FOXN2: variants seen among roughly 807,000 people sequenced by gnomAD.
FOXN2 encodes the protein forkhead box protein N2.
A neutral mutation model predicts 41.2 loss-of-function variants in FOXN2; 19 were observed. That is an observed-to-expected ratio of 0.46 (90% confidence interval 0.32 to 0.68). The LOEUF (loss-of-function observed/expected upper bound fraction) is 0.68. Ranked by LOEUF, FOXN2 falls within the 30% of genes least tolerant of loss-of-function variation. FOXN2 has a pLI of 0.03. For synonymous variants in FOXN2, 195 were observed against 176.8 expected (o/e 1.10, Z -0.82); for missense variants, 587 against 509.4 (o/e 1.15, Z -1.47).
intron 4 of FOXN2, among the ~76,000 whole-genome samples, chr2:48,361,650 A>T (rs144721525): frequency 1.2e-4 from 19 of 152,280 alleles, no homozygotes; most frequent in Admixed American, 1.2e-3. Flanking sequence ...AAAGAGTGAG[A>T]TACAGTATAT....
chr2:48,340,468 G>A (rs184694399), intron 2 of FOXN2, among the ~76,000 whole-genome samples: 2 of 152,136 alleles, frequency 1.3e-5, no homozygotes, highest in East Asian at 3.9e-4. Context: ...ATATGCAGAT[G>A]TGCAAATCTC....
At chr2:48,338,908 A>C (rs545245601) in intron 2 of FOXN2, among the ~76,000 whole-genome samples, 3 of 152,124 alleles carry the variant, frequency 2.0e-5, no homozygotes, top group Non-Finnish European at 4.4e-5. Flanking sequence ...GCAACCAATA[A>C]AGAGATTGAA....
At chr2:48,344,213 ATGTT>A (rs1670951328) in intron 2 of FOXN2, among the ~76,000 whole-genome samples, 1 of 152,216 alleles carries the variant, frequency 6.6e-6, no homozygotes, top group South Asian at 2.1e-4. Context: ...ATATATGTGA[ATGTT>A]TATTTATGTG....
At chr2:48,368,767 A>T (rs562396388) in intron 5 of FOXN2, among the ~76,000 whole-genome samples, 2 of 152,324 alleles carry the variant, frequency 1.3e-5, no homozygotes, top group East Asian at 3.9e-4. Flanking sequence ...GAGAATTTTT[A>T]TTGCTTTTGT....
intron 3 of FOXN2, among the ~76,000 whole-genome samples, chr2:48,350,961 A>G (rs1572743870): frequency 6.6e-6 from 1 of 151,204 alleles, no homozygotes; most frequent in Non-Finnish European, 1.5e-5. Context: ...CTCTGTTACA[A>G]TTTATTTTAT....
At chr2:48,351,987 C>T (rs1417291153) in intron 3 of FOXN2, among the ~76,000 whole-genome samples, 1 of 152,032 alleles carries the variant, frequency 6.6e-6, no homozygotes, top group Non-Finnish European at 1.5e-5. Context: ...TGTACGAGAG[C>T]AGGGTGGAAA....
chr2:48,324,258 C>T (rs1669523402), intron 1 of FOXN2, among the ~76,000 whole-genome samples: 1 of 144,616 alleles, frequency 6.9e-6, no homozygotes, highest in Non-Finnish European at 1.5e-5. Flanking sequence ...TACAGTGGCA[C>T]AATCTTGCTC....
At chr2:48,351,946 G>A (rs1285050981) in intron 3 of FOXN2, among the ~76,000 whole-genome samples, 1 of 152,162 alleles carries the variant, frequency 6.6e-6, no homozygotes, top group Non-Finnish European at 1.5e-5. Context: ...GGGAGTTTGG[G>A]GCAGTAGGCA....
At chr2:48,372,262 CA>C (rs899243239) in intron 5 of FOXN2, among the ~76,000 whole-genome samples, 14 of 152,124 alleles carry the variant, frequency 9.2e-5, no homozygotes, top group East Asian at 3.9e-4. Flanking sequence ...TTAGTGTTAT[CA>C]ATAACAACAG....
At chr2:48,320,679 C>T (rs1558608388) in intron 1 of FOXN2, among the ~76,000 whole-genome samples, 1 of 152,070 alleles carries the variant, frequency 6.6e-6, no homozygotes, top group Non-Finnish European at 1.5e-5. Context: ...TGGGTATTTA[C>T]CCAAATCTCT....
Position 48,375,887 on chromosome 2 carries a change from C to G in FOXN2, c.*444C>G, listed in dbSNP as rs1449442558. 1.3e-5 allele frequency: 2 copies of G among 153,654 alleles called. No homozygotes were observed. Among genetic ancestry groups the G allele is most frequent in the African/African-American group, 2.4e-5 (1 of 41,472 alleles). The allele number at this position is 153,654 out of a possible 1,614,324, so 9.5% of individuals were successfully genotyped here. ...TTTCATATACTTCTCTCCTGACACG[C>G]AATCCGGTAACATAAGATTGAAATT... is the stretch of plus-strand genomic sequence containing the variant. On this transcript the variant is annotated 3_prime_UTR_variant, in exon 7 of 7. Transcript: ENST00000340553.
intron 3 of FOXN2, among the ~76,000 whole-genome samples, chr2:48,354,429 A>G (rs2104425823): frequency 6.6e-6 from 1 of 152,256 alleles, no homozygotes; most frequent in African/African-American, 2.4e-5. Context: ...GTGAAACCCC[A>G]TCTCTACTAA....
intron 2 of FOXN2, among the ~76,000 whole-genome samples, chr2:48,331,121 A>C (rs6545031): frequency 0.12 from 18,670 of 152,158 alleles, 1,359 homozygotes; most frequent in African/African-American, 0.2. Flanking sequence ...ATAAGGAAAG[A>C]TATTCAGTGA....
intron 3 of FOXN2, among the ~76,000 whole-genome samples, chr2:48,348,523 A>G (rs28841370): frequency 3.3e-5 from 5 of 151,878 alleles, no homozygotes; most frequent in African/African-American, 1.2e-4. Flanking sequence ...TTGTTTTTGT[A>G]TGTATTTTAT....
chr2:48,359,727 C>T (rs972313371), intron 4 of FOXN2, among the ~76,000 whole-genome samples: 2 of 151,954 alleles, frequency 1.3e-5, no homozygotes, highest in African/African-American at 4.8e-5. Flanking sequence ...TGAGAACATA[C>T]ACTCTGGGAA....
chr2:48,371,966 T>C (rs1037679066), intron 5 of FOXN2, among the ~76,000 whole-genome samples: 1 of 152,200 alleles, frequency 6.6e-6, no homozygotes, highest in African/African-American at 2.4e-5. Flanking sequence ...TAAGATCATG[T>C]TGTCTGCAAA....
intron 2 of FOXN2, among the ~76,000 whole-genome samples, chr2:48,329,119 T>C (rs920050417): frequency 5.3e-5 from 8 of 152,192 alleles, no homozygotes. Flanking sequence ...GCAGAAAATA[T>C]CAGGTTTGTA....
In FOXN2 at chr2:48,355,513, CAGAA is replaced by C. The variant is rs533402518; in HGVS notation, c.538-3530_538-3527del. On this transcript the variant is annotated intron_variant, in intron 3 of 6. Coordinates refer to ENST00000340553, the MANE Select transcript of FOXN2 (RefSeq NM_002158.4). ...TTTGCCTAAATGTCTGAGATTTAGA[CAGAA>C]AGAGATACATTCAAGTAGATTTGGG... 5.0e-4 allele frequency among the ~76,000 whole-genome samples: 75 copies of C among 150,944 alleles called. No homozygotes were observed. In the South Asian group the frequency reaches 0.012, roughly 24 times the overall value.
chr2:48,353,552 CTGTGTGTGTGTGTGTGTGTGTG>C (rs57528113), intron 3 of FOXN2, among the ~76,000 whole-genome samples: 92 of 128,914 alleles, frequency 7.1e-4, no homozygotes, highest in South Asian at 1.8e-3. Context: ...TCACTTAAGA[CTGTGTGTGTGTGTGTGTGTGTG>C]TGTGTGTGTG....
Sources: allele counts gnomAD v4.1 joint callset (sites outside exome capture counted in the v4.1 genomes callset), GRCh38; gene constraint gnomAD v4.1.1; transcripts MANE v1.5; gene names NCBI Gene and HGNC (gene_info 2026-07-23, HGNC 2026-07-21).